The following AKAP6 variants were observed in gnomAD, a reference collection of about 807,000 sequenced individuals.
The protein encoded by AKAP6 is A-kinase anchor protein 6.
Under a neutral mutation model 188.5 loss-of-function variants are expected in AKAP6, and 58 were observed. The ratio of observed to expected loss-of-function variants is 0.31; its 90% CI spans 0.25 to 0.38. AKAP6 has a LOEUF of 0.38. Ranked by LOEUF, AKAP6 falls within the 10% of genes least tolerant of loss-of-function variation. The pLI, the probability that AKAP6 is intolerant of heterozygous loss-of-function variation, is 1.00. For missense variants in AKAP6, 2,710 were observed against 2,740.0 expected, an observed-to-expected ratio of 0.99 and a Z score of 0.24; for synonymous variants, 989 against 998.6, an observed-to-expected ratio of 0.99 and a Z score of 0.18.
chr14:32,488,728 C>A (rs1375484056), intron 2 of AKAP6, among the ~76,000 whole-genome samples: 1 of 152,126 alleles, frequency 6.6e-6, no homozygotes, highest in Non-Finnish European at 1.5e-5. Context: ...GTATCTGGAC[C>A]AGATAGCACG....
chr14:32,734,518 C>T (rs1017442102), intron 10 of AKAP6: 5 of 152,058 alleles, frequency 3.3e-5, no homozygotes, highest in South Asian at 2.1e-4. Flanking sequence ...TTTATGAAGA[C>T]GGACCATTCT....
chr14:32,392,169 T>C (rs1295291168), intron 1 of AKAP6, among the ~76,000 whole-genome samples: 3 of 152,214 alleles, frequency 2.0e-5, no homozygotes, highest in African/African-American at 7.2e-5. Flanking sequence ...AGTTTTTGAT[T>C]ATATATTACA....
chr14:32,565,184 T>C (rs1485572895), intron 4 of AKAP6, among the ~76,000 whole-genome samples: 3 of 152,140 alleles, frequency 2.0e-5, no homozygotes, highest in Non-Finnish European at 4.4e-5. Context: ...TGCTGTAGAG[T>C]TCCAGGCTTA....
intron 3 of AKAP6, among the ~76,000 whole-genome samples, chr14:32,540,045 G>C (rs187174593): frequency 6.7e-6 from 1 of 149,860 alleles, no homozygotes; most frequent in Non-Finnish European, 1.5e-5. Flanking sequence ...TTGGAACTAG[G>C]CTTCAGTTAA....
At chr14:32,725,279 G>T (rs58882375) in intron 9 of AKAP6, among the ~76,000 whole-genome samples, 1 of 152,004 alleles carries the variant, frequency 6.6e-6, no homozygotes, top group Non-Finnish European at 1.5e-5. Flanking sequence ...TATTTTTCCC[G>T]AGGTCATGTC....
At chr14:32,402,729 ATTTT>A (rs56811727) in intron 1 of AKAP6, among the ~76,000 whole-genome samples, 29 of 144,716 alleles carry the variant, frequency 2.0e-4, no homozygotes, top group African/African-American at 6.0e-4. Context: ...TGGTTGGTTG[ATTTT>A]TTTTTTTTTT....
chr14:32,407,097 C>T (rs762133786), intron 1 of AKAP6, among the ~76,000 whole-genome samples: 23 of 152,158 alleles, frequency 1.5e-4, no homozygotes, highest in Non-Finnish European at 2.5e-4. Context: ...ATTTATGTGC[C>T]TTCCTCATCT....
intron 7 of AKAP6, among the ~76,000 whole-genome samples, chr14:32,659,362 G>T (rs1015317994): frequency 3.3e-5 from 5 of 151,992 alleles, no homozygotes; most frequent in Non-Finnish European, 7.4e-5. Flanking sequence ...ATCCTCTTTT[G>T]GTCCTAGATT....
chr14:32,772,815 T>C (rs968003427), intron 11 of AKAP6, among the ~76,000 whole-genome samples: 12 of 152,184 alleles, frequency 7.9e-5, no homozygotes. Context: ...TAGAAGGAGA[T>C]TAGTAATTCA....
In AKAP6 at chr14:32,629,887, A is replaced by G. The variant is rs570025775; in HGVS notation, c.2730+29095A>G. 3.3e-5 allele frequency among the ~76,000 whole-genome samples: 5 copies of G among 152,164 alleles called. No homozygotes were observed. The South Asian group carries it at 1.0e-3, about 32-fold the overall frequency. ...GCCAGGACCGGCCTGGGCAACAAGC[A>G]AGACCCTGTCTCTACAGAAAATTAA... On this transcript the variant is annotated intron_variant, in intron 7 of 13. Transcript: ENST00000280979.
intron 1 of AKAP6, among the ~76,000 whole-genome samples, chr14:32,407,342 GA>G (rs1889328974): frequency 6.6e-6 from 1 of 152,190 alleles, no homozygotes; most frequent in African/African-American, 2.4e-5. Context: ...CAGAGAATTA[GA>G]CAAACCATCC....
chr14:32,626,108 G>T (rs1666125307), intron 7 of AKAP6, among the ~76,000 whole-genome samples: 1 of 152,128 alleles, frequency 6.6e-6, no homozygotes, highest in Non-Finnish European at 1.5e-5. Flanking sequence ...CCACTGGTTG[G>T]TTATACTTGG....
rs1886034913 is a variant in AKAP6, at chr14:32,603,926, G to A, written c.2730+3134G>A. ...AGAATTATTATAAATAAAAAAATAA[G>A]AATACATTTAAAAATATAAGAATTA... On this transcript the variant is annotated intron_variant, in intron 7 of 13. Transcript: ENST00000280979. Among the ~76,000 whole-genome samples, 2 of 151,968 alleles carry A rather than the reference G, an allele frequency of 1.3e-5. 1 individual carries two copies. Among genetic ancestry groups the A allele is most frequent in the South Asian group, 4.2e-4 (2 of 4,816 alleles).
At chr14:32,636,183 A>C (rs1049179459) in intron 7 of AKAP6, among the ~76,000 whole-genome samples, 5 of 152,136 alleles carry the variant, frequency 3.3e-5, no homozygotes, top group Non-Finnish European at 5.9e-5. Context: ...CAAATGGTAC[A>C]TGTGCAGAAA....
chr14:32,371,478 T>C (rs776482545), intron 1 of AKAP6, among the ~76,000 whole-genome samples: 33 of 152,248 alleles, frequency 2.2e-4, no homozygotes, highest in South Asian at 1.9e-3. Flanking sequence ...GTGGGGGTGC[T>C]CATCCGTAGT....
intron 12 of AKAP6, among the ~76,000 whole-genome samples, chr14:32,810,228 A>T (rs1468962046): frequency 6.7e-6 from 1 of 149,136 alleles, no homozygotes; most frequent in Non-Finnish European, 1.5e-5. Context: ...TTAGGAGATT[A>T]AAATGACCCC....
At chr14:32,583,160 G>T (rs1454860655) in intron 5 of AKAP6, among the ~76,000 whole-genome samples, 2 of 152,138 alleles carry the variant, frequency 1.3e-5, no homozygotes, top group African/African-American at 2.4e-5. Context: ...TGTACAGATG[G>T]GTTTTTGGTG....
intron 13 of AKAP6, 74 bp downstream of exon 13, chr14:32,824,889 A>G: frequency 1.6e-6 from 2 of 1,263,492 alleles, no homozygotes; most frequent in Non-Finnish European, 2.2e-6. Flanking sequence ...GCAGGAGAAA[A>G]GGCTAGTCAG....
intron 12 of AKAP6, among the ~76,000 whole-genome samples, chr14:32,810,521 CTA>C (rs1226346399): frequency 6.6e-6 from 1 of 152,070 alleles, no homozygotes; most frequent in African/African-American, 2.4e-5. Context: ...CCAGGGGAGT[CTA>C]TGTTTTTTAA....
Sources: gnomAD v4.1 joint callset for allele counts (sites outside exome capture counted in the v4.1 genomes callset) on GRCh38, gnomAD v4.1.1 for gene constraint, MANE v1.5 for transcripts, NCBI Gene and HGNC (gene_info 2026-07-23, HGNC 2026-07-21) for gene names.